Variants in CCSER1 observed in about 807,000 individuals in gnomAD.
CCSER1 encodes serine-rich coiled-coil domain-containing protein 1.
Under a neutral mutation model 82.0 loss-of-function variants are expected in CCSER1, and 41 were observed. The observed-to-expected ratio is 0.50, with a 90% confidence interval of 0.39 to 0.65. The LOEUF is 0.65. Among genes scored for constraint, CCSER1 ranks in the 30% least tolerant of loss-of-function variants. The probability of loss-of-function intolerance (pLI) is 0.00; values close to 1 mark genes in which losing one functional copy is unlikely to be tolerated. For missense variants in CCSER1, 1,119 were observed against 1,064.2 expected (o/e 1.05, Z -0.72); for synonymous variants, 414 against 383.9 (o/e 1.08, Z -0.92).
intron 5 of CCSER1, among the ~76,000 whole-genome samples, chr4:90,609,758 C>T (rs530656162): frequency 1.7e-4 from 26 of 152,204 alleles, no homozygotes; most frequent in African/African-American, 5.5e-4. Flanking sequence ...AGAGTAGATT[C>T]GGCTACTGAA....
chr4:91,197,175 C>A (rs751230038), intron 10 of CCSER1, among the ~76,000 whole-genome samples: 10 of 152,192 alleles, frequency 6.6e-5, no homozygotes, highest in Non-Finnish European at 1.2e-4. Context: ...ACCAAAGCTG[C>A]TGGCCTCAGA....
chr4:90,867,690 A>G (rs1580845159), intron 8 of CCSER1, among the ~76,000 whole-genome samples: 1 of 151,392 alleles, frequency 6.6e-6, no homozygotes, highest in Non-Finnish European at 1.5e-5. Context: ...TTCCCCCAAT[A>G]CCTCCACTAG....
intron 10 of CCSER1, among the ~76,000 whole-genome samples, chr4:91,598,208 G>A (rs1764670404): frequency 1.3e-5 from 2 of 152,186 alleles, no homozygotes; most frequent in South Asian, 4.1e-4. Context: ...GGCCTCATAT[G>A]TCTATATTCA....
chr4:91,318,537 C>A (rs1745981275), intron 10 of CCSER1, among the ~76,000 whole-genome samples: 1 of 151,958 alleles, frequency 6.6e-6, no homozygotes, highest in South Asian at 2.1e-4. Flanking sequence ...CAATTGTCTC[C>A]ATGAGCAAAA....
intron 10 of CCSER1, among the ~76,000 whole-genome samples, chr4:91,305,520 T>C (rs564284579): frequency 1.2e-4 from 19 of 152,208 alleles, no homozygotes; most frequent in Middle Eastern, 3.4e-3. Context: ...GTAATCAATA[T>C]TTTGGACATT....
chr4:91,375,984 T>A (rs1176431435), intron 10 of CCSER1, among the ~76,000 whole-genome samples: 1 of 152,042 alleles, frequency 6.6e-6, no homozygotes, highest in Non-Finnish European at 1.5e-5. Flanking sequence ...ATTATATATA[T>A]TAAAAAGATG....
At chr4:91,131,916 A>G (rs957702434) in intron 10 of CCSER1, among the ~76,000 whole-genome samples, 11 of 151,970 alleles carry the variant, frequency 7.2e-5, no homozygotes, top group Non-Finnish European at 1.6e-4. Context: ...ATGATTTTGG[A>G]TGAATCATCG....
chr4:90,593,195 T>C (rs1264415511), intron 5 of CCSER1, among the ~76,000 whole-genome samples: 1 of 152,112 alleles, frequency 6.6e-6, no homozygotes, highest in Non-Finnish European at 1.5e-5. Context: ...TCTAACTCAT[T>C]TAGTTGTTCC....
intron 1 of CCSER1, among the ~76,000 whole-genome samples, chr4:90,190,616 A>T (rs1218536268): frequency 6.6e-6 from 1 of 152,132 alleles, no homozygotes; most frequent in Admixed American, 6.6e-5. Context: ...CAAACTTTAA[A>T]AGACAGGCTA....
intron 10 of CCSER1, among the ~76,000 whole-genome samples, chr4:91,161,389 C>A (rs1260504049): frequency 6.6e-6 from 1 of 152,036 alleles, no homozygotes; most frequent in African/African-American, 2.4e-5. Flanking sequence ...AATGTGGGCT[C>A]TTTTTTGGTT....
At chr4:91,265,365 A>G (rs115824966) in intron 10 of CCSER1, among the ~76,000 whole-genome samples, 2,619 of 152,284 alleles carry the variant, frequency 0.017, 35 homozygotes, top group Middle Eastern at 0.031. Context: ...ATAGTGAATT[A>G]GGTTAATTTT....
Position 91,149,024 on chromosome 4 carries a change from A to ATT in CCSER1, c.2217+63032_2217+63033dup, listed in dbSNP as rs1364157325. Reference sequence around the variant, plus strand: ...CAGCAGTGGGATGGCTGGGTCAAATATTTCTAGATCTAGATCCTTGAGGAA... The same window carrying ATT: ...CAGCAGTGGGATGGCTGGGTCAAATATTTTTCTAGATCTAGATCCTTGAGGAA... On this transcript the variant is annotated intron_variant, in intron 10 of 10. Coordinates refer to ENST00000509176, the MANE Select transcript of CCSER1 (RefSeq NM_001145065.2). 2.3e-4 allele frequency among the ~76,000 whole-genome samples: 29 copies of ATT among 128,180 alleles called. 1 individual carries two copies. The South Asian group carries it at 7.1e-3, about 32-fold the overall frequency. 84.1% of individuals were successfully genotyped at this position (128,180 alleles called of 152,430 possible). A position where few individuals can be genotyped will look rare whatever the true frequency, so the allele number is the denominator to read the frequency against.
intron 10 of CCSER1, among the ~76,000 whole-genome samples, chr4:91,381,666 T>C (rs1393947462): frequency 6.6e-6 from 1 of 152,196 alleles, no homozygotes; most frequent in Non-Finnish European, 1.5e-5. Flanking sequence ...TCAAGGTTTT[T>C]AGCTTCTTTG....
rs529698483 is a variant in CCSER1, at chr4:91,138,740, G to GA, written c.2217+52753dup. Among the ~76,000 whole-genome samples, 27 of 141,678 alleles carry GA rather than the reference G, an allele frequency of 1.9e-4. No homozygotes were observed. In the South Asian group the frequency reaches 5.7e-3, roughly 30 times the overall value. 92.9% of individuals were successfully genotyped at this position (141,678 alleles called of 152,430 possible). ...ACAATGAACTCAAACAAATTTACAA[G>GA]AAAAAAACAAACAACCCCATCAAAA... On this transcript the variant is annotated intron_variant, in intron 10 of 10. Transcript: ENST00000509176.
chr4:90,326,096 T>C (rs1173226493), intron 3 of CCSER1, among the ~76,000 whole-genome samples: 1 of 149,862 alleles, frequency 6.7e-6, no homozygotes, highest in Admixed American at 6.6e-5. Flanking sequence ...TCTCACTCTT[T>C]CACCCAGGCT....
At chr4:91,262,061 T>A (rs1442313759) in intron 10 of CCSER1, among the ~76,000 whole-genome samples, 1 of 152,092 alleles carries the variant, frequency 6.6e-6, no homozygotes, top group Admixed American at 6.5e-5. Flanking sequence ...CCCGGATGAT[T>A]AAAGTAAAAA....
At chr4:91,562,434 G>A (rs114671392) in intron 10 of CCSER1, among the ~76,000 whole-genome samples, 1 of 151,394 alleles carries the variant, frequency 6.6e-6, no homozygotes, top group African/African-American at 2.4e-5. Context: ...TCAAGCTGTT[G>A]TGTGTGCCTT....
At position 90,777,619 on chromosome 4, in the gene CCSER1, A is replaced by G. The variant is rs1002529849; in HGVS notation, c.2011-38143A>G. On this transcript the variant is annotated intron_variant, in intron 7 of 10. Transcript: ENST00000509176. The stretch of plus-strand genomic sequence containing the variant: ...TTTGAAAAATGTATTTAACTTTCTC[A>G]GTTTCAGTTTTATTATCTGTACAAT... Among the ~76,000 whole-genome samples the G allele has an allele frequency of 3.3e-5, 5 of 152,084 alleles. No homozygotes were observed. In the East Asian group the frequency reaches 9.6e-4, roughly 29 times the overall value.
chr4:90,898,634 A>G (rs1162779105), intron 8 of CCSER1, among the ~76,000 whole-genome samples: 4 of 151,804 alleles, frequency 2.6e-5, no homozygotes, highest in South Asian at 2.1e-4. Context: ...TATGTTGAGA[A>G]GTAAGGGTCC....
Sources: allele counts gnomAD v4.1 joint callset (sites outside exome capture counted in the v4.1 genomes callset), GRCh38; gene constraint gnomAD v4.1.1; transcripts MANE v1.5; gene names NCBI Gene and HGNC (gene_info 2026-07-23, HGNC 2026-07-21).